Variants in GABBR2 observed in about 807,000 individuals in gnomAD.
The protein encoded by GABBR2 is gamma-aminobutyric acid type B receptor subunit 2, also known as G-protein coupled receptor 51.
GABBR2 carries 23 observed loss-of-function variants against 105.6 expected under a neutral mutation model. The observed-to-expected ratio is 0.22, with a 90% confidence interval of 0.16 to 0.31. The LOEUF (loss-of-function observed/expected upper bound fraction) is 0.31, where lower values mean the gene tolerates loss of function less well. GABBR2 is among the 10% of genes least tolerant of loss of function. GABBR2 has a pLI of 1.00. For missense variants in GABBR2, 734 were observed against 1,245.5 expected (o/e 0.59, Z 6.18); for synonymous variants, 478 against 499.7 (o/e 0.96, Z 0.58).
chr9:98,672,176 A>T (rs1264807658), intron 1 of GABBR2, among the ~76,000 whole-genome samples: 1 of 152,100 alleles, frequency 6.6e-6, no homozygotes, highest in Non-Finnish European at 1.5e-5. Context: ...TCTTTGCAAA[A>T]CTGAAACTTT....
chr9:98,546,608 T>C (rs570753834), intron 2 of GABBR2, among the ~76,000 whole-genome samples: 2 of 152,266 alleles, frequency 1.3e-5, no homozygotes, highest in Non-Finnish European at 2.9e-5. Context: ...CCTTACTGTA[T>C]TTTTGCTTGC....
chr9:98,457,527 C>T (rs576217183), intron 6 of GABBR2, among the ~76,000 whole-genome samples: 1 of 152,252 alleles, frequency 6.6e-6, no homozygotes, highest in Admixed American at 6.5e-5. Flanking sequence ...TTTACATATG[C>T]CACTTGTAAA....
intron 1 of GABBR2, among the ~76,000 whole-genome samples, chr9:98,658,481 T>C (rs995940240): frequency 7.9e-5 from 12 of 152,186 alleles, no homozygotes; most frequent in African/African-American, 2.9e-4. Flanking sequence ...TCCCACTAGA[T>C]GATGTCACCT....
At position 98,290,285 on chromosome 9, in the gene GABBR2, T is replaced by TTTTTTTTTTG. The variant is rs1830280696; in HGVS notation, c.*289_*298dup. Reference sequence around the variant, plus strand: ...AGTTTTTTTGTTTTTTTTTTTTTTTTTTTTTTTTTGCAAGTTTGATATCCC... The same window carrying TTTTTTTTTTG: ...AGTTTTTTTGTTTTTTTTTTTTTTTTTTTTTTTTTGTTTTTTTTTGCAAGTTTGATATCCC... On this transcript the variant is annotated 3_prime_UTR_variant, in exon 19 of 19. Transcript: ENST00000259455. 6.2e-6 allele frequency: 1 copy of TTTTTTTTTTG among 160,150 alleles called. No homozygotes were observed. The highest frequency in any genetic ancestry group is 1.1e-5 in the Non-Finnish European group (1 of 88,584). The allele number at this position is 160,150 out of a possible 1,614,324, so 9.9% of individuals were successfully genotyped here. A position where few individuals can be genotyped will look rare whatever the true frequency, so the allele number is the denominator to read the frequency against.
chr9:98,645,443 C>G (rs957866820), intron 1 of GABBR2, among the ~76,000 whole-genome samples: 3 of 152,174 alleles, frequency 2.0e-5, no homozygotes, highest in African/African-American at 7.2e-5. Context: ...AGAAGGGTGT[C>G]TAGTTCACTC....
At chr9:98,666,879 C>T (rs1159035170) in intron 1 of GABBR2, among the ~76,000 whole-genome samples, 4 of 152,160 alleles carry the variant, frequency 2.6e-5, no homozygotes, top group East Asian at 3.9e-4. Context: ...GAGCCACTGC[C>T]CTGGTAGGGG....
chr9:98,579,601 T>C (rs901378627), intron 1 of GABBR2, among the ~76,000 whole-genome samples: 11 of 152,178 alleles, frequency 7.2e-5, no homozygotes, highest in Admixed American at 5.2e-4. Flanking sequence ...CCTATCACAA[T>C]ATAACTCTCA....
chr9:98,701,870 A>T (rs1047384347), intron 1 of GABBR2, among the ~76,000 whole-genome samples: 2 of 152,122 alleles, frequency 1.3e-5, no homozygotes, highest in African/African-American at 2.4e-5. Flanking sequence ...CATTAGACTT[A>T]TTCCTTATAA....
In GABBR2 at chr9:98,303,238, T is replaced by C. The variant is rs74429712; in HGVS notation, c.2412+3A>G. 1.3e-5 allele frequency: 21 copies of C among 1,612,930 alleles called. No homozygotes were observed. In the Admixed American group the frequency reaches 1.3e-4, roughly 10 times the overall value. ...CCCAGCTACCAGATGCAGAGGGAGG[T>C]ACCTCTGTGATCTTCATTCGCAGGC... On this transcript the variant is annotated splice_donor_region_variant and intron_variant, in intron 16 of 18. Transcript: ENST00000259455.
At chr9:98,447,533 ATGTATGTGTGTG>A (rs1239488724) in intron 7 of GABBR2, among the ~76,000 whole-genome samples, 5 of 104,966 alleles carry the variant, frequency 4.8e-5, no homozygotes, top group South Asian at 3.2e-4. Flanking sequence ...TGTAACTAGT[ATGTATGTGTGTG>A]TGTGTGTGTG....
At chr9:98,456,120 A>G (rs1389457166) in intron 6 of GABBR2, among the ~76,000 whole-genome samples, 4 of 151,736 alleles carry the variant, frequency 2.6e-5, no homozygotes, top group African/African-American at 4.8e-5. Flanking sequence ...CCCACACTCC[A>G]TGCCCGCTGG....
At chr9:98,476,537 T>C (rs1350012208) in intron 5 of GABBR2, among the ~76,000 whole-genome samples, 1 of 152,202 alleles carries the variant, frequency 6.6e-6, no homozygotes, top group African/African-American at 2.4e-5. Flanking sequence ...GTTTAAGAAT[T>C]AAATGAGATA....
chr9:98,390,829 G>A (rs370735211), intron 9 of GABBR2, among the ~76,000 whole-genome samples: 2 of 152,144 alleles, frequency 1.3e-5, no homozygotes, highest in South Asian at 2.1e-4. Flanking sequence ...TCACTACTGG[G>A]TTTGGGGCCT....
At chr9:98,425,461 C>G (rs781386977) in intron 7 of GABBR2, among the ~76,000 whole-genome samples, 1 of 152,222 alleles carries the variant, frequency 6.6e-6, no homozygotes, top group South Asian at 2.1e-4. Context: ...TGCACTCATT[C>G]TTTCATCACA....
At position 98,290,221 on chromosome 9, in the gene GABBR2, T is replaced by A. The variant is rs1298767396; in HGVS notation, c.*363A>T. On this transcript the variant is annotated 3_prime_UTR_variant, in exon 19 of 19. Transcript: ENST00000259455. ...TCCCAAGGCTGCTCGAGCCACTCCG[T>A]GACTTCCAGCTGGAGTTCTAGTGCC... is the stretch of plus-strand genomic sequence containing the variant. 1.8e-5 allele frequency: 3 copies of A among 164,130 alleles called. No homozygotes were observed. The East Asian group carries it at 4.9e-4, about 27-fold the overall frequency. The allele number at this position is 164,130 out of a possible 1,614,324, so 10.2% of individuals were successfully genotyped here.
At chr9:98,641,175 C>G (rs912457345) in intron 1 of GABBR2, among the ~76,000 whole-genome samples, 1 of 151,570 alleles carries the variant, frequency 6.6e-6, no homozygotes, top group African/African-American at 2.4e-5. Context: ...GCTCTGTTGC[C>G]CAGGCTGGAG....
rs150119227 is a variant in GABBR2 at position 98,611,676 on chromosome 9, G to C, written c.322-33604C>G. ...TAAGAAAACGAGAAAGTGCTCTTCA[G>C]AGCACACACCACTTTCTTAGAAAAG... On this transcript the variant is annotated intron_variant, in intron 1 of 18. Coordinates refer to ENST00000259455, the MANE Select transcript of GABBR2 (RefSeq NM_005458.8). Among the ~76,000 whole-genome samples, 5 of 152,308 alleles carry C rather than the reference G, an allele frequency of 3.3e-5. 1 individual carries two copies. The highest frequency in any genetic ancestry group is 2.0e-4 in the Admixed American group (3 of 15,294).
At chr9:98,672,072 T>C (rs1029160103) in intron 1 of GABBR2, among the ~76,000 whole-genome samples, 2 of 152,178 alleles carry the variant, frequency 1.3e-5, no homozygotes, top group African/African-American at 2.4e-5. Context: ...AAATACATAA[T>C]ATAAAATTTA....
chr9:98,633,711 A>C (rs113954203), intron 1 of GABBR2, among the ~76,000 whole-genome samples: 21 of 152,140 alleles, frequency 1.4e-4, no homozygotes, highest in Admixed American at 3.3e-4. Context: ...ACCACAATGC[A>C]AGTCGGACCC....
Sources: gnomAD v4.1 joint callset for allele counts (sites outside exome capture counted in the v4.1 genomes callset) on GRCh38, gnomAD v4.1.1 for gene constraint, MANE v1.5 for transcripts, NCBI Gene and HGNC (gene_info 2026-07-23, HGNC 2026-07-21) for gene names.